Variants in ROBO4 observed in about 807,000 individuals in gnomAD.
ROBO4 encodes roundabout guidance receptor 4.
In ROBO4, 80 loss-of-function variants were observed where a neutral mutation model predicts 103.3. The ratio of observed to expected loss-of-function variants is 0.77; its 90% CI spans 0.65 to 0.93. The LOEUF (loss-of-function observed/expected upper bound fraction) is 0.93. ROBO4 is among the 40% of genes least tolerant of loss of function. The pLI is 0.00. For missense variants in ROBO4, 1,333 were observed against 1,305.3 expected (o/e 1.02, Z -0.33); for synonymous variants, 504 against 529.7 (o/e 0.95, Z 0.67).
chr11:124,896,388 G>C, intron 3 of ROBO4, 70 bp from the exon 4 acceptor site: 1 of 1,599,740 alleles, frequency 6.3e-7, no homozygotes, highest in Non-Finnish European at 8.5e-7. Flanking sequence ...GAAGTTTGAG[G>C]CCCCCTGCTC....
chr11:124,891,981 C>A (rs1946807581), intron 10 of ROBO4, 179 bp from the exon 11 acceptor site: 4 of 772,116 alleles, frequency 5.2e-6, no homozygotes, highest in Non-Finnish European at 8.9e-6. Context: ...TCCCCTAAAC[C>A]CAGCACCCCT....
In ROBO4 at chr11:124,891,684, G is replaced by T. The variant is rs373616473; in HGVS notation, c.1666C>A (p.Leu556Ile). The change falls in exon 11 of 18, where the codon CTA becomes ATA. Residue 556 changes from leucine to isoleucine, a missense_variant. Leu to Ile is a conservative substitution (Grantham distance 5, BLOSUM62 2). Transcript: ENST00000306534. ...TGCTCACAGGAGCGACGACAGTCTAGTGGGTCCCGGGCATCCGCCCCCAGC... is the reference window on the plus strand; with the variant it reads ...TGCTCACAGGAGCGACGACAGTCTATTGGGTCCCGGGCATCCGCCCCCAGC... ...SRLGADARDP[L>I]DCRRSLLSWD... 3.7e-6 allele frequency: 6 copies of T among 1,614,192 alleles called. No homozygotes were observed. Among genetic ancestry groups the T allele is most frequent in the Middle Eastern group, 1.6e-4 (1 of 6,062 alleles).
At chr11:124,897,643 G>C in intron 1 of ROBO4, 83 bp downstream of exon 1, 1 of 1,228,580 alleles carries the variant, frequency 8.1e-7, no homozygotes, top group South Asian at 1.2e-5. Context: ...CTGCAAAAGG[G>C]AAGCAGGCAG....
chr11:124,893,481 A>G lies in ROBO4; in HGVS notation c.1547+207T>C, dbSNP rs118077976. On this transcript the variant is annotated intron_variant, in intron 10 of 17. Transcript: ENST00000306534. ...CTGGATTGGGGGTTTAGAAGGTTTT[A>G]TGAGTTTCAGTTTACTAGTCTGTCA... Among the ~76,000 whole-genome samples, 592 of 152,304 alleles carry G rather than the reference A, an allele frequency of 3.9e-3. 4 individuals are homozygous for G. The highest frequency in any genetic ancestry group is 0.014 in the South Asian group (68 of 4,822).
At position 124,884,639 on chromosome 11, in the gene ROBO4, C is replaced by T; in HGVS notation, c.*252G>A. On this transcript the variant is annotated 3_prime_UTR_variant, in exon 18 of 18. Transcript: ENST00000306534. ...AACCTGGTGGTGGGAGTGGATGGCA[C>T]AGAGGAGAAAGCAGTGGCTAGGAGT... 2 of 583,418 alleles carry T rather than the reference C, an allele frequency of 3.4e-6. No individual in the cohort carries two copies. The highest frequency in any genetic ancestry group is 6.1e-6 in the Non-Finnish European group (2 of 327,610). The allele number at this position is 583,418 out of a possible 1,614,324, so 36.1% of individuals were successfully genotyped here.
intron 7 of ROBO4, 59 bp downstream of exon 7, chr11:124,895,022 C>G: frequency 7.7e-7 from 1 of 1,292,692 alleles, no homozygotes; most frequent in Non-Finnish European, 1.1e-6. Flanking sequence ...ATGCAGAACT[C>G]CAGAGAAAAG....
chr11:124,894,055 A>G lies in ROBO4; in HGVS notation c.1319-10T>C, dbSNP rs772697845. The G allele has an allele frequency of 6.5e-7, 1 of 1,542,354 alleles. No individual in the cohort carries two copies. The highest frequency in any genetic ancestry group is 8.7e-7 in the Non-Finnish European group (1 of 1,143,638). ...CGCTCCATGGCCTGCTCTGTATGGG[A>G]TGCAGAGCTCAGAGGGAGAGGGAGT... On this transcript the variant is annotated splice_polypyrimidine_tract_variant and intron_variant, in intron 8 of 17. Transcript: ENST00000306534.
Position 124,894,282 on chromosome 11 carries a change from G to C in ROBO4, c.1237C>G (p.Pro413Ala), listed in dbSNP as rs779142725. The C allele has an allele frequency of 2.5e-6, 4 of 1,614,070 alleles. No individual in the cohort carries two copies. In the East Asian group the frequency reaches 8.9e-5, roughly 36 times the overall value. ...GCCACTTGCACGCAGTAGGAGCCTGGCATATGGGTGGCGATTTCCAGCTGG... is the reference window on the plus strand; with the variant it reads ...GCCACTTGCACGCAGTAGGAGCCTGCCATATGGGTGGCGATTTCCAGCTGG... The part of the protein sequence containing the change: ...QTQLEIATHM[P>A]GSYCVQVAAV... Residue 413 changes from proline (P) to alanine (A), a missense_variant, in exon 8 of 18, where the codon CCA (proline) becomes GCA (alanine). Pro to Ala is a conservative substitution (Grantham distance 27). Transcript: ENST00000306534.
In ROBO4 at chr11:124,887,808, G is replaced by A. The variant is rs201758034; in HGVS notation, c.1981C>T (p.Arg661Trp). Residue 661 changes from arginine to tryptophan, a missense_variant, in exon 13 of 18, where the codon CGG (arginine) becomes TGG (tryptophan). By Grantham distance (101) the Arg-to-Trp change is moderately radical. Coordinates refer to ENST00000306534, the MANE Select transcript of ROBO4 (RefSeq NM_019055.6). ...CGGAGCTCCAAGGAGTGGCTGCCCC[G>A]GAGCAGTGGGGAACTGTTGGCATGC... is the stretch of plus-strand genomic sequence containing the variant. The part of the protein sequence containing the change: ...LQHANSSPLL[R>W]GSHSLELRAC... 9.2e-5 allele frequency: 149 copies of A among 1,613,934 alleles called. No homozygotes were observed. In the East Asian group the frequency reaches 2.4e-3, roughly 26 times the overall value.
intron 7 of ROBO4, among the ~76,000 whole-genome samples, chr11:124,894,763 A>C (rs1434023113): frequency 2.6e-5 from 4 of 152,186 alleles, no homozygotes; most frequent in Non-Finnish European, 5.9e-5. Flanking sequence ...TCTAGAAGTC[A>C]AACTTTGAGC....
At chr11:124,893,467 G>T (rs1264523859) in intron 10 of ROBO4, among the ~76,000 whole-genome samples, 3 of 152,176 alleles carry the variant, frequency 2.0e-5, no homozygotes, top group African/African-American at 7.2e-5. Flanking sequence ...TGGATTGGGG[G>T]TTTAGAAGGT....
Position 124,895,071 on chromosome 11 carries a change from G to C in ROBO4, c.1149+10C>G, listed in dbSNP as rs1210546463. 1 of 1,594,736 alleles carries C rather than the reference G, an allele frequency of 6.3e-7. No homozygotes were observed. ...GCAGTAGGAAGGGCTATGACAGCTAGTGGGGGTACCTGGTAGCCACGGATG... is the reference window on the plus strand; with the variant it reads ...GCAGTAGGAAGGGCTATGACAGCTACTGGGGGTACCTGGTAGCCACGGATG... On this transcript the variant is annotated intron_variant, in intron 7 of 17. Coordinates refer to ENST00000306534, the MANE Select transcript of ROBO4 (RefSeq NM_019055.6).
At chr11:124,889,976 A>C (rs1484067005) in intron 12 of ROBO4, among the ~76,000 whole-genome samples, 2 of 152,182 alleles carry the variant, frequency 1.3e-5, no homozygotes, top group African/African-American at 4.8e-5. Flanking sequence ...GTAAGGACCT[A>C]AACCACAGGC....
rs370414211 is a variant in ROBO4 at position 124,891,674 on chromosome 11, C to A, written c.1676G>T (p.Arg559Leu). 426 of 1,614,164 alleles carry A rather than the reference C, an allele frequency of 2.6e-4. 17 individuals carry two copies. The South Asian group carries it at 4.5e-3, about 17-fold the overall frequency. ...GADARDPLDC[R>L]RSLLSWDSRS... The stretch of plus-strand genomic sequence containing the variant: ...CCACTGAGCATGCTCACAGGAGCGA[C>A]GACAGTCTAGTGGGTCCCGGGCATC... The change falls in exon 11 of 18, where the codon CGT becomes CTT. Residue 559 changes from arginine to leucine, a missense_variant. By Grantham distance (102) the Arg-to-Leu change is moderately radical. Transcript: ENST00000306534.
intron 7 of ROBO4, among the ~76,000 whole-genome samples, 196 bp downstream of exon 7, chr11:124,894,885 A>T (rs1385898387): frequency 6.6e-6 from 1 of 152,156 alleles, no homozygotes; most frequent in Non-Finnish European, 1.5e-5. Flanking sequence ...GTGGACTGTG[A>T]GGTAAAACGG....
intron 12 of ROBO4, among the ~76,000 whole-genome samples, chr11:124,888,487 A>G (rs1418077890): frequency 6.6e-6 from 1 of 152,258 alleles, no homozygotes; most frequent in Non-Finnish European, 1.5e-5. Context: ...GACAGGAGAC[A>G]GTCAGCTAAT....
intron 10 of ROBO4, 32 bp downstream of exon 10, chr11:124,893,656 C>T: frequency 6.2e-7 from 1 of 1,608,232 alleles, no homozygotes; most frequent in Non-Finnish European, 8.5e-7. Context: ...TGCCACCCTC[C>T]CTTACTTCAG....
At chr11:124,897,606 T>C in intron 1 of ROBO4, 120 bp downstream of exon 1, 1 of 802,756 alleles carries the variant, frequency 1.2e-6, no homozygotes, top group South Asian at 1.5e-5. Flanking sequence ...ATCATCATCA[T>C]CCTCATCCTC....
chr11:124,891,213 G>C, intron 12 of ROBO4, 86 bp downstream of exon 12: 1 of 1,455,472 alleles, frequency 6.9e-7, no homozygotes. Flanking sequence ...CGCCCCTCCA[G>C]GCTTTGAGGC....
Sources: gnomAD v4.1 joint callset for allele counts (sites outside exome capture counted in the v4.1 genomes callset) on GRCh38, gnomAD v4.1.1 for gene constraint, MANE v1.5 for transcripts, NCBI Gene and HGNC (gene_info 2026-07-23, HGNC 2026-07-21) for gene names.